GNAQ: variants seen among roughly 807,000 people sequenced by gnomAD.
GNAQ encodes G protein subunit alpha q.
In GNAQ, 8 loss-of-function variants were observed where a neutral mutation model predicts 43.9. That is an observed-to-expected ratio of 0.18 (90% CI 0.11 to 0.33). The LOEUF (loss-of-function observed/expected upper bound fraction) is 0.33. Among genes scored for constraint, GNAQ ranks in the 10% least tolerant of loss-of-function variants. The probability of loss-of-function intolerance (pLI) is 1.00; values close to 1 mark genes in which losing one functional copy is unlikely to be tolerated. For missense variants in GNAQ, 158 were observed against 450.8 expected (o/e 0.35, Z 5.88); for synonymous variants, 155 against 170.7 (o/e 0.91, Z 0.71).
intron 1 of GNAQ, among the ~76,000 whole-genome samples, chr9:77,940,259 G>A (rs1435326770): frequency 6.6e-6 from 1 of 152,118 alleles, no homozygotes; most frequent in Non-Finnish European, 1.5e-5. Context: ...AAAAGTGTAT[G>A]AACTCCCATA....
chr9:77,928,706 T>C (rs943958367), intron 1 of GNAQ, among the ~76,000 whole-genome samples: 1 of 152,174 alleles, frequency 6.6e-6, no homozygotes, highest in Non-Finnish European at 1.5e-5. Flanking sequence ...CTAAAAAACA[T>C]AAATTTGTAC....
intron 2 of GNAQ, among the ~76,000 whole-genome samples, chr9:77,860,201 G>A (rs960293547): frequency 2.0e-5 from 3 of 152,186 alleles, no homozygotes; most frequent in South Asian, 4.1e-4. Flanking sequence ...GGCTGAGTGG[G>A]GGTTAGCTGG....
intron 2 of GNAQ, among the ~76,000 whole-genome samples, chr9:77,863,253 A>C (rs1452409717): frequency 1.1e-4 from 17 of 152,116 alleles, no homozygotes; most frequent in Admixed American, 1.1e-3. Flanking sequence ...GAAGAGAAAG[A>C]AGGAAATTTC....
At chr9:77,834,874 C>G (rs562844921) in intron 2 of GNAQ, among the ~76,000 whole-genome samples, 28 of 152,284 alleles carry the variant, frequency 1.8e-4, no homozygotes, top group African/African-American at 6.3e-4. Flanking sequence ...ACTTTCAGGT[C>G]TCTGAATTCA....
chr9:77,761,927 G>T (rs1275589226), intron 5 of GNAQ, among the ~76,000 whole-genome samples: 32 of 115,556 alleles, frequency 2.8e-4, no homozygotes, highest in African/African-American at 1.0e-3. Flanking sequence ...CCGGCCAGCC[G>T]CCCCGTCCGG....
chr9:77,831,472 G>C (rs111564101), intron 2 of GNAQ, among the ~76,000 whole-genome samples: 7 of 152,062 alleles, frequency 4.6e-5, no homozygotes, highest in African/African-American at 1.7e-4. Flanking sequence ...TAGTATCTAC[G>C]ATGGCCACCC....
intron 2 of GNAQ, among the ~76,000 whole-genome samples, chr9:77,870,248 T>C (rs1828014850): frequency 6.6e-6 from 1 of 152,062 alleles, no homozygotes; most frequent in African/African-American, 2.4e-5. Flanking sequence ...GCGATATTGA[T>C]ATTTGTTACA....
intron 6 of GNAQ, among the ~76,000 whole-genome samples, chr9:77,724,877 A>AAT (rs201997917): frequency 2.0e-5 from 3 of 152,058 alleles, no homozygotes; most frequent in African/African-American, 4.8e-5. Context: ...TATACAAGCA[A>AAT]ATATATATAT....
chr9:77,929,203 T>C (rs907398907), intron 1 of GNAQ, among the ~76,000 whole-genome samples: 1 of 152,102 alleles, frequency 6.6e-6, no homozygotes, highest in Admixed American at 6.5e-5. Context: ...CCCCTAAGAG[T>C]ACATGTTCAC....
rs2118457064 is a variant in GNAQ, at chr9:77,797,662, G to A, written c.477-14C>T. On this transcript the variant is annotated splice_polypyrimidine_tract_variant and intron_variant, in intron 3 of 6. Transcript: ENST00000286548. The stretch of plus-strand genomic sequence containing the variant: ...TCATTAAGATAGCTAGAGGAGGGAA[G>A]ACACAATGAGAATGTCAGTGACACC... 1.2e-6 allele frequency: 2 copies of A among 1,609,096 alleles called. No individual in the cohort carries two copies. Among genetic ancestry groups the A allele is most frequent in the African/African-American group, 2.7e-5 (2 of 74,878 alleles).
chr9:78,027,507 G>C (rs1245690080), intron 1 of GNAQ, among the ~76,000 whole-genome samples: 2 of 152,066 alleles, frequency 1.3e-5, no homozygotes, highest in Non-Finnish European at 2.9e-5. Flanking sequence ...CATTTCAGAA[G>C]ACCAAGACCA....
intron 5 of GNAQ, among the ~76,000 whole-genome samples, chr9:77,787,591 A>G (rs1200317745): frequency 6.6e-6 from 1 of 152,266 alleles, no homozygotes; most frequent in Non-Finnish European, 1.5e-5. Flanking sequence ...GTATGCAGGA[A>G]GCCTATGAAA....
At chr9:77,770,471 A>G (rs1262541334) in intron 5 of GNAQ, among the ~76,000 whole-genome samples, 1 of 152,192 alleles carries the variant, frequency 6.6e-6, no homozygotes, top group Non-Finnish European at 1.5e-5. Flanking sequence ...AACAAAACAC[A>G]GGGAGCTTAT....
At position 77,930,893 on chromosome 9, in the gene GNAQ, T is replaced by C. The variant is rs1829139829; in HGVS notation, c.137-8548A>G. Among the ~76,000 whole-genome samples the C allele has an allele frequency of 4.6e-5, 7 of 151,948 alleles. No individual in the cohort carries two copies. The South Asian group carries it at 1.0e-3, about 23-fold the overall frequency. On this transcript the variant is annotated intron_variant, in intron 1 of 6. Coordinates refer to ENST00000286548, the MANE Select transcript of GNAQ (RefSeq NM_002072.5). Reference sequence around the variant, plus strand: ...GGAACCGGGCCGCACAGCAAGAGAGTGGCAGGCATTACTGCCTGAGCTATG... The same window carrying C: ...GGAACCGGGCCGCACAGCAAGAGAGCGGCAGGCATTACTGCCTGAGCTATG...
At chr9:77,900,319 C>T (rs1828582045) in intron 2 of GNAQ, among the ~76,000 whole-genome samples, 1 of 152,162 alleles carries the variant, frequency 6.6e-6, no homozygotes, top group Non-Finnish European at 1.5e-5. Context: ...CATCAGGAGA[C>T]ACTAAGATAT....
chr9:77,786,174 G>A (rs894270550), intron 5 of GNAQ, among the ~76,000 whole-genome samples: 16 of 151,914 alleles, frequency 1.1e-4, no homozygotes, highest in Admixed American at 1.0e-3. Flanking sequence ...TCATGAGATC[G>A]AGACCATCCT....
At chr9:77,942,143 C>T (rs1829325258) in intron 1 of GNAQ, among the ~76,000 whole-genome samples, 1 of 152,066 alleles carries the variant, frequency 6.6e-6, no homozygotes, top group Non-Finnish European at 1.5e-5. Flanking sequence ...AAAGGTCTAT[C>T]CCCTTACAAG....
chr9:77,921,638 C>T (rs995239677), intron 2 of GNAQ, among the ~76,000 whole-genome samples: 1 of 152,126 alleles, frequency 6.6e-6, no homozygotes, highest in Non-Finnish European at 1.5e-5. Context: ...CAGGGAAATG[C>T]GTTGGAAAGG....
chr9:77,830,843 AC>A (rs1488173906), intron 2 of GNAQ, among the ~76,000 whole-genome samples: 1 of 151,244 alleles, frequency 6.6e-6, no homozygotes, highest in African/African-American at 2.4e-5. Context: ...TATACCACAC[AC>A]ACACACACAC....
Sources: allele counts gnomAD v4.1 joint callset (sites outside exome capture counted in the v4.1 genomes callset), GRCh38; gene constraint gnomAD v4.1.1; transcripts MANE v1.5; gene names NCBI Gene and HGNC (gene_info 2026-07-23, HGNC 2026-07-21).